Variants in HYKK observed in about 807,000 individuals in gnomAD.
The protein encoded by HYKK is hydroxylysine kinase, also known as 5-hydroxy-L-lysine kinase.
HYKK carries 19 observed loss-of-function variants against 29.7 expected under a neutral mutation model. That is an observed-to-expected ratio of 0.64 (90% confidence interval 0.45 to 0.94). The LOEUF is 0.94. Among genes scored for constraint, HYKK ranks in the 40% least tolerant of loss-of-function variants. The probability of loss-of-function intolerance (pLI) is 0.00; values close to 1 mark genes in which losing one functional copy is unlikely to be tolerated. For synonymous variants in HYKK, 152 were observed against 158.1 expected (o/e 0.96, Z 0.29); for missense variants, 390 against 443.4 (o/e 0.88, Z 1.08).
chr15:78,515,106 A>G lies in HYKK; in HGVS notation c.476A>G (p.Gln159Arg). 1.3e-6 allele frequency: 2 copies of G among 1,562,404 alleles called. No individual in the cohort carries two copies. The highest frequency in any genetic ancestry group is 2.4e-5 in the East Asian group (1 of 42,478). The stretch of plus-strand genomic sequence containing the variant: ...GCTGCCAAATTGGATAAGACACTGC[A>G]GGTAAGATTTGGGGCTTTATTTTAT... ...KLAAKLDKTL[Q>R]RFHHPKLSSL... Residue 159 changes from glutamine (Q) to arginine (R), a missense_variant and splice_region_variant, in exon 3 of 5, where the codon CAG becomes CGG. Gln to Arg is a conservative substitution (Grantham distance 43). Coordinates refer to ENST00000388988, the MANE Select transcript of HYKK (RefSeq NM_001013619.4).
chr15:78,533,037 A>G (rs1269232460), intron 4 of HYKK, among the ~76,000 whole-genome samples, 173 bp from the exon 5 acceptor site: 7 of 152,176 alleles, frequency 4.6e-5, no homozygotes, highest in Non-Finnish European at 1.0e-4. Context: ...CACCACCCCA[A>G]ATTAACTGCT....
intron 1 of HYKK, among the ~76,000 whole-genome samples, chr15:78,511,023 T>C (rs1340185189): frequency 1.3e-5 from 2 of 149,446 alleles, no homozygotes; most frequent in Non-Finnish European, 3.0e-5. Flanking sequence ...CCCAGACTAG[T>C]CTCGAACTCC....
intron 4 of HYKK, chr15:78,528,866 T>C: frequency 1.0e-6 from 1 of 982,846 alleles, no homozygotes; most frequent in Non-Finnish European, 1.2e-6. Context: ...GCAGTATGTG[T>C]TTCTCAGTGT....
intron 4 of HYKK, among the ~76,000 whole-genome samples, chr15:78,531,493 A>G (rs1596035586): frequency 6.6e-6 from 1 of 151,988 alleles, no homozygotes; most frequent in East Asian, 1.9e-4. Context: ...CAGATTGCCT[A>G]TTTTTTGCTT....
At chr15:78,523,845 A>G (rs778826061) in intron 3 of HYKK, among the ~76,000 whole-genome samples, 5 of 152,214 alleles carry the variant, frequency 3.3e-5, no homozygotes, top group Non-Finnish European at 5.9e-5. Flanking sequence ...TAAAGCTCCA[A>G]AATAATCTCC....
chr15:78,510,474 C>T (rs1027313671), intron 1 of HYKK, among the ~76,000 whole-genome samples: 3 of 152,064 alleles, frequency 2.0e-5, no homozygotes, highest in African/African-American at 7.2e-5. Flanking sequence ...GGTGGGATTA[C>T]AGGCGTGAAC....
Position 78,535,741 on chromosome 15 carries a change from A to G in HYKK, c.*2071A>G, listed in dbSNP as rs111650215. 0.01 allele frequency: 1,552 copies of G among 152,154 alleles called. 38 individuals are homozygous for G. Among genetic ancestry groups the G allele is most frequent in the South Asian group, 0.066 (319 of 4,822 alleles). 9.4% of individuals were successfully genotyped at this position (152,154 alleles called of 1,614,324 possible). A position where few individuals can be genotyped will look rare whatever the true frequency, so the allele number is the denominator to read the frequency against. On this transcript the variant is annotated 3_prime_UTR_variant, in exon 5 of 5. Transcript: ENST00000388988. ...GCTTTTTTGTTTGTTTGTTTGAGAT[A>G]GGGTCTCACTCCGTCACCGACGCTG...
At position 78,518,354 on chromosome 15, in the gene HYKK, TA is replaced by T. The variant is rs1185303279; in HGVS notation, c.477+3248del. 1.1e-4 allele frequency among the ~76,000 whole-genome samples: 17 copies of T among 152,022 alleles called. No homozygotes were observed. The East Asian group carries it at 3.3e-3, about 30-fold the overall frequency. Reference sequence around the variant, plus strand: ...CGCCCGGCTAATTTTTTGGTATTTGTAGTAGAGACAGGGTTTCACTATGTTG... The same window carrying T: ...CGCCCGGCTAATTTTTTGGTATTTGTGTAGAGACAGGGTTTCACTATGTTG... On this transcript the variant is annotated intron_variant, in intron 3 of 4. Coordinates refer to ENST00000388988, the MANE Select transcript of HYKK (RefSeq NM_001013619.4).
At chr15:78,525,351 T>A (rs1341526550) in intron 3 of HYKK, among the ~76,000 whole-genome samples, 1 of 151,622 alleles carries the variant, frequency 6.6e-6, no homozygotes, top group African/African-American at 2.4e-5. Context: ...AGAGATGTGG[T>A]TTCACCATGT....
chr15:78,509,421 C>T (rs1398242082), intron 1 of HYKK, among the ~76,000 whole-genome samples: 2 of 152,204 alleles, frequency 1.3e-5, no homozygotes, highest in Non-Finnish European at 2.9e-5. Flanking sequence ...CCTTGCTTTA[C>T]ATGGCTATGG....
At chr15:78,528,443 G>A (rs2141363275) in intron 4 of HYKK, 1 of 985,368 alleles carries the variant, frequency 1.0e-6, no homozygotes, top group Non-Finnish European at 1.2e-6. Flanking sequence ...TACACAGACA[G>A]GTGTTTCTCT....
chr15:78,530,379 T>C (rs567408008), intron 4 of HYKK, among the ~76,000 whole-genome samples: 117 of 152,214 alleles, frequency 7.7e-4, no homozygotes, highest in Non-Finnish European at 1.0e-3. Context: ...TTTTTTGTAT[T>C]ATTATTCATG....
intron 4 of HYKK, among the ~76,000 whole-genome samples, chr15:78,530,946 T>G (rs1596035367): frequency 1.3e-5 from 2 of 152,164 alleles, no homozygotes; most frequent in East Asian, 3.9e-4. Context: ...CTCGGCTCAC[T>G]GCAACCTCTG....
chr15:78,536,888 G>T (rs150515985), downstream of HYKK, among the ~76,000 whole-genome samples: 305 of 152,292 alleles, frequency 2.0e-3, 1 homozygote, highest in African/African-American at 7.0e-3. Context: ...CATCCAATCT[G>T]TTGAGGGCCT....
intron 1 of HYKK, among the ~76,000 whole-genome samples, chr15:78,512,215 A>G (rs1452551217): frequency 6.6e-6 from 1 of 152,030 alleles, no homozygotes; most frequent in Non-Finnish European, 1.5e-5. Flanking sequence ...ATCAGTCTAC[A>G]TTTTTCTATT....
intron 3 of HYKK, among the ~76,000 whole-genome samples, chr15:78,515,701 G>T (rs2052125591): frequency 6.6e-6 from 1 of 150,674 alleles, no homozygotes; most frequent in Non-Finnish European, 1.5e-5. Flanking sequence ...CCATTCTTCT[G>T]CCTCAGCCTC....
At chr15:78,531,554 T>C (rs2052312755) in intron 4 of HYKK, among the ~76,000 whole-genome samples, 1 of 151,924 alleles carries the variant, frequency 6.6e-6, no homozygotes, top group African/African-American at 2.4e-5. Flanking sequence ...TTTTTTGAGA[T>C]AGAGTCTCGC....
At chr15:78,516,631 T>G (rs375564278) in intron 3 of HYKK, among the ~76,000 whole-genome samples, 3 of 152,214 alleles carry the variant, frequency 2.0e-5, no homozygotes, top group African/African-American at 7.2e-5. Flanking sequence ...ATGACAGGCA[T>G]GAGCTACCCC....
At chr15:78,531,420 G>A (rs1184774968) in intron 4 of HYKK, among the ~76,000 whole-genome samples, 1 of 151,982 alleles carries the variant, frequency 6.6e-6, no homozygotes, top group Non-Finnish European at 1.5e-5. Context: ...ATTTTTGTCT[G>A]CTTTTTCTAA....
Sources: gnomAD v4.1 joint callset for allele counts (sites outside exome capture counted in the v4.1 genomes callset) on GRCh38, gnomAD v4.1.1 for gene constraint, MANE v1.5 for transcripts, NCBI Gene and HGNC (gene_info 2026-07-23, HGNC 2026-07-21) for gene names.